Variants in ITPKA observed in about 807,000 individuals in gnomAD.
ITPKA encodes inositol-trisphosphate 3-kinase A.
Under a neutral mutation model 40.7 loss-of-function variants are expected in ITPKA, and 16 were observed. That is an observed-to-expected ratio of 0.39 (90% CI 0.27 to 0.60). The LOEUF is 0.60. ITPKA is among the 20% of genes least tolerant of loss of function. ITPKA has a pLI of 0.50. For missense variants in ITPKA, 540 were observed against 649.3 expected (o/e 0.83, Z 1.83); for synonymous variants, 313 against 289.9 (o/e 1.08, Z -0.81).
intron 1 of ITPKA, among the ~76,000 whole-genome samples, chr15:41,498,632 C>T (rs1305967905): frequency 6.6e-6 from 1 of 152,204 alleles, no homozygotes; most frequent in Non-Finnish European, 1.5e-5. Flanking sequence ...GTCCCACTAT[C>T]CCCTAAATTC....
In ITPKA at chr15:41,501,661, G is replaced by C. The variant is rs1185212593; in HGVS notation, c.613G>C (p.Gly205Arg). The C allele has an allele frequency of 6.2e-7, 1 of 1,608,652 alleles. No individual in the cohort carries two copies. Among genetic ancestry groups the C allele is most frequent in the Non-Finnish European group, 8.5e-7 (1 of 1,178,162 alleles). ...GAGTTTTAAGGCGGCGGGCACCAGC[G>C]GGCTGATCCTGAAGCGCTGCTCGGA... ...TGSFKAAGTS[G>R]LILKRCSEPE... The change falls in exon 3 of 7, where the codon GGG becomes CGG. Residue 205 changes from glycine to arginine, a missense_variant. Gly to Arg is a moderately radical substitution (Grantham distance 125, BLOSUM62 -2). Transcript: ENST00000260386.
chr15:41,494,298 C>T lies in ITPKA; in HGVS notation c.371C>T (p.Ser124Leu). The change falls in exon 1 of 7, where the codon TCG becomes TTG. Residue 124 changes from serine to leucine, a missense_variant. Physicochemically the swap from Ser to Leu is moderately radical, Grantham distance 145. Transcript: ENST00000260386. The surrounding 1 kb of genome is among the most constrained non-coding windows in gnomAD (Gnocchi z 7.8). The part of the protein sequence containing the change: ...LQQPRRLSTS[S>L]VSSTGSSSLL... Reference sequence around the variant, plus strand: ...CAGCCGCGCCGCCTTTCCACCTCGTCGGTCTCCTCCACTGGCTCCTCGTCG... The same window carrying T: ...CAGCCGCGCCGCCTTTCCACCTCGTTGGTCTCCTCCACTGGCTCCTCGTCG... The T allele has an allele frequency of 6.5e-7, 1 of 1,546,260 alleles. No homozygotes were observed. Among genetic ancestry groups the T allele is most frequent in the Non-Finnish European group, 8.7e-7 (1 of 1,153,446 alleles).
chr15:41,495,026 T>A (rs1216849152), intron 1 of ITPKA, among the ~76,000 whole-genome samples: 1 of 152,206 alleles, frequency 6.6e-6, no homozygotes, highest in Non-Finnish European at 1.5e-5. Context: ...GCCTCCCATC[T>A]TCCCGGCTCG....
chr15:41,502,550 G>A (rs1283352335), intron 5 of ITPKA, 47 bp downstream of exon 5: 2 of 1,170,274 alleles, frequency 1.7e-6, no homozygotes, highest in East Asian at 2.4e-5. Flanking sequence ...GCCTGAAGCC[G>A]AGGACTGCCC....
Position 41,494,717 on chromosome 15 carries a change from T to G in ITPKA, c.489+301T>G, listed in dbSNP as rs916618697. 1.3e-5 allele frequency among the ~76,000 whole-genome samples: 2 copies of G among 152,178 alleles called. No homozygotes were observed. The highest frequency in any genetic ancestry group is 2.9e-5 in the Non-Finnish European group (2 of 68,018). On this transcript the variant is annotated intron_variant, in intron 1 of 6. Transcript: ENST00000260386. The surrounding 1 kb of genome is among the most constrained non-coding windows in gnomAD (Gnocchi z 7.8). ...AGCGGGGGTAGCGGACCTTGTTGGC[T>G]GTGGGTTAGGACAGGAGGGATCGGA...
intron 1 of ITPKA, among the ~76,000 whole-genome samples, chr15:41,501,035 T>A (rs77402384): frequency 0.031 from 2,561 of 83,684 alleles, 52 homozygotes; most frequent in East Asian, 0.1. Context: ...AAAAAAAAAA[T>A]GGCCCTACTC....
chr15:41,501,930 G>C, intron 3 of ITPKA, 67 bp from the exon 4 acceptor site: 1 of 1,590,016 alleles, frequency 6.3e-7, no homozygotes, highest in Non-Finnish European at 8.6e-7. Context: ...GGGGACCCGG[G>C]GCGAGTGCTC....
In ITPKA at chr15:41,503,522, T is replaced by G; in HGVS notation, c.*356T>G. On this transcript the variant is annotated 3_prime_UTR_variant, in exon 7 of 7. Transcript: ENST00000260386. Reference sequence around the variant, plus strand: ...TCTAACGTCTCACACCACGACGGACTCCCCTTCCTAATAAAACTCAAAGAC... The same window carrying G: ...TCTAACGTCTCACACCACGACGGACGCCCCTTCCTAATAAAACTCAAAGAC... 1.7e-6 allele frequency: 1 copy of G among 591,488 alleles called. No individual in the cohort carries two copies. Among genetic ancestry groups the G allele is most frequent in the Middle Eastern group, 2.8e-4 (1 of 3,550 alleles). 36.6% of individuals were successfully genotyped at this position (591,488 alleles called of 1,614,324 possible). A position where few individuals can be genotyped will look rare whatever the true frequency, so the allele number is the denominator to read the frequency against.
chr15:41,498,629 T>C (rs1477054828), intron 1 of ITPKA, among the ~76,000 whole-genome samples: 1 of 152,188 alleles, frequency 6.6e-6, no homozygotes, highest in Non-Finnish European at 1.5e-5. Flanking sequence ...CTGGTCCCAC[T>C]ATCCCCTAAA....
At chr15:41,502,255 TC>T in intron 4 of ITPKA, 54 bp downstream of exon 4, 1 of 1,519,352 alleles carries the variant, frequency 6.6e-7, no homozygotes. Flanking sequence ...GCGCTGTCTT[TC>T]CCGATCCCCC....
At chr15:41,500,714 A>G (rs1033240025) in intron 1 of ITPKA, among the ~76,000 whole-genome samples, 1 of 152,144 alleles carries the variant, frequency 6.6e-6, no homozygotes, top group Non-Finnish European at 1.5e-5. Context: ...TGGTAGTAAT[A>G]AAAATTTGGG....
In ITPKA at chr15:41,503,418, G is replaced by A; in HGVS notation, c.*252G>A. On this transcript the variant is annotated 3_prime_UTR_variant, in exon 7 of 7. Transcript: ENST00000260386. ...AGGGGGCAAAGGGCTTCTTCCTCAG[G>A]CCAGCTCTTCTGAGGAGGCTCTGCC... 3.4e-6 allele frequency: 2 copies of A among 594,000 alleles called. No homozygotes were observed. Among genetic ancestry groups the A allele is most frequent in the South Asian group, 3.6e-5 (2 of 55,212 alleles). 36.8% of individuals were successfully genotyped at this position (594,000 alleles called of 1,614,324 possible). A position where few individuals can be genotyped will look rare whatever the true frequency, so the allele number is the denominator to read the frequency against.
At chr15:41,497,756 A>G (rs2140673327) in intron 1 of ITPKA, among the ~76,000 whole-genome samples, 1 of 152,276 alleles carries the variant, frequency 6.6e-6, no homozygotes, top group South Asian at 2.1e-4. Flanking sequence ...GCAGTGGCTC[A>G]CACTTGTAAT....
chr15:41,502,733 G>A, intron 5 of ITPKA, 55 bp from the exon 6 acceptor site: 1 of 1,476,270 alleles, frequency 6.8e-7, no homozygotes. Flanking sequence ...TCGTTAGCAG[G>A]GGCTCATTTG....
Position 41,501,611 on chromosome 15 carries a change from G to A in ITPKA, c.587-24G>A, listed in dbSNP as rs1409040199. ...GCCCGCGACGGGAAGGGGCTGGGCG[G>A]CGCTGACGGATGCCGGTCCTCAGGG... On this transcript the variant is annotated intron_variant, in intron 2 of 6. Transcript: ENST00000260386. 3.8e-6 allele frequency: 6 copies of A among 1,589,866 alleles called. No homozygotes were observed. The African/African-American group carries it at 6.7e-5, about 18-fold the overall frequency.
In ITPKA at chr15:41,494,059, G is replaced by A. The variant is rs1161902070; in HGVS notation, c.132G>A (p.Ala44=). ...TGCTCTTCGAGGCGCGCTGTGCGGC[G>A]GTCGCTGCGGCCGCCGCCGCGGGGG... The part of the protein sequence containing the change: ...LRLLFEARCA[A]VAAAAAAGEP... The change falls in exon 1 of 7, where the codon GCG becomes GCA. Residue 44 remains alanine, a synonymous_variant. Transcript: ENST00000260386. This position sits in a 1 kb window ranked among gnomAD's most constrained non-coding sequence, Gnocchi z 7.8. 1.4e-5 allele frequency: 17 copies of A among 1,233,342 alleles called. No homozygotes were observed. Among genetic ancestry groups the A allele is most frequent in the Non-Finnish European group, 1.6e-5 (16 of 990,026 alleles). The allele number at this position is 1,233,342 out of a possible 1,614,324, so 76.4% of individuals were successfully genotyped here.
At chr15:41,499,382 C>G (rs557295562) in intron 1 of ITPKA, among the ~76,000 whole-genome samples, 1 of 152,174 alleles carries the variant, frequency 6.6e-6, no homozygotes, top group Admixed American at 6.5e-5. Flanking sequence ...GCCTGACATG[C>G]AATAGGCAGG....
chr15:41,498,298 C>A (rs2051087876), intron 1 of ITPKA, among the ~76,000 whole-genome samples: 1 of 145,124 alleles, frequency 6.9e-6, no homozygotes, highest in Non-Finnish European at 1.5e-5. Flanking sequence ...GGGAGTGAGA[C>A]CTTGTCTCAA....
In ITPKA at chr15:41,494,197, C is replaced by G. The variant is rs1338723415; in HGVS notation, c.270C>G (p.Asp90Glu). ...PQLTVTAEEP[D>E]VPPTSPGPPE... is the part of the protein sequence containing the mutation. The stretch of plus-strand genomic sequence containing the variant: ...TGACCGTGACAGCCGAGGAGCCCGA[C>G]GTGCCCCCGACCAGCCCTGGGCCGC... Residue 90 changes from aspartate to glutamate, a missense_variant, in exon 1 of 7, where the codon GAC becomes GAG. Coordinates refer to ENST00000260386, the MANE Select transcript of ITPKA (RefSeq NM_002220.3). This position sits in a 1 kb window ranked among gnomAD's most constrained non-coding sequence, Gnocchi z 7.8. 1 of 1,522,954 alleles carries G rather than the reference C, an allele frequency of 6.6e-7. No homozygotes were observed. Among genetic ancestry groups the G allele is most frequent in the Non-Finnish European group, 8.8e-7 (1 of 1,142,464 alleles). 94.3% of individuals were successfully genotyped at this position (1,522,954 alleles called of 1,614,324 possible).
Sources: allele counts gnomAD v4.1 joint callset (sites outside exome capture counted in the v4.1 genomes callset), GRCh38; gene constraint gnomAD v4.1.1; non-coding constraint Gnocchi (gnomAD v3.1); transcripts MANE v1.5; gene names NCBI Gene and HGNC (gene_info 2026-07-23, HGNC 2026-07-21).